Variants in DDX41 observed in about 807,000 individuals in gnomAD.
The protein encoded by DDX41 is DEAD-box helicase 41.
Under a neutral mutation model 78.8 loss-of-function variants are expected in DDX41, and 50 were observed. The ratio of observed to expected loss-of-function variants is 0.63; its 90% CI spans 0.51 to 0.80. The LOEUF (loss-of-function observed/expected upper bound fraction) is 0.80. DDX41 is among the 30% of genes least tolerant of loss of function. The pLI, the probability that DDX41 is intolerant of heterozygous loss-of-function variation, is 0.00. For synonymous variants in DDX41, 381 were observed against 321.5 expected (o/e 1.19, Z -1.98); for missense variants, 633 against 849.2 (o/e 0.75, Z 3.16).
At position 177,512,397 on chromosome 5, in the gene DDX41, C is replaced by G; in HGVS notation, c.1550-4G>C. Reference sequence around the variant, plus strand: ...CCGGTGCGGCCAATCCGGTGTACTGCAGAGAGAAGGACAGAGTCTCTGGCC... The same window carrying G: ...CCGGTGCGGCCAATCCGGTGTACTGGAGAGAGAAGGACAGAGTCTCTGGCC... On this transcript the variant is annotated splice_polypyrimidine_tract_variant and splice_region_variant and intron_variant, in intron 14 of 16. Coordinates refer to ENST00000330503, the MANE Select transcript of DDX41 (RefSeq NM_016222.4). The G allele has an allele frequency of 1.2e-6, 2 of 1,614,072 alleles. No homozygotes were observed. The highest frequency in any genetic ancestry group is 1.1e-5 in the South Asian group (1 of 91,084).
At chr5:177,516,068 T>C in intron 4 of DDX41, 51 bp downstream of exon 4, 1 of 1,613,964 alleles carries the variant, frequency 6.2e-7, no homozygotes, top group Non-Finnish European at 8.5e-7. Context: ...TGCCTGGGGC[T>C]GGGAGGAGAA....
chr5:177,516,755 A>G lies in DDX41; in HGVS notation c.108T>C (p.Tyr36=). The change falls in exon 2 of 17, where the codon TAT becomes TAC. Residue 36 remains tyrosine (Y), a synonymous_variant. Transcript: ENST00000330503. The stretch of plus-strand genomic sequence containing the variant: ...GCTGCCGGCGCTGCCGTAACGGCAC[A>G]TAGGGCACGTAGTCCTCGTCGTCCT... ...EDEDDEDYVP[Y]VPLRQRRQLL... is the part of the protein sequence containing the mutation. The G allele has an allele frequency of 6.2e-7, 1 of 1,610,936 alleles. No homozygotes were observed. The highest frequency in any genetic ancestry group is 8.5e-7 in the Non-Finnish European group (1 of 1,179,074).
intron 4 of DDX41, 55 bp downstream of exon 4, chr5:177,516,064 G>A: frequency 1.2e-6 from 2 of 1,613,948 alleles, no homozygotes; most frequent in South Asian, 1.1e-5. Flanking sequence ...AACATGCCTG[G>A]GGCTGGGAGG....
chr5:177,511,824 C>T lies in DDX41; in HGVS notation c.1836G>A (p.Lys612=). ...CCATGGAGCTGTGGGCCAGGTAGTCCTTGCGACCGATGTTGCTGACCTGCT... is the reference window on the plus strand; with the variant it reads ...CCATGGAGCTGTGGGCCAGGTAGTCTTTGCGACCGATGTTGCTGACCTGCT... ...QTKQVSNIGR[K]DYLAHSSMDF Residue 612 remains lysine, a synonymous_variant, in exon 17 of 17, where the codon AAG becomes AAA. Coordinates refer to ENST00000330503, the MANE Select transcript of DDX41 (RefSeq NM_016222.4). 1.9e-6 allele frequency: 3 copies of T among 1,614,138 alleles called. No homozygotes were observed. The highest frequency in any genetic ancestry group is 2.5e-6 in the Non-Finnish European group (3 of 1,180,024).
Position 177,514,520 on chromosome 5 carries a change from C to T in DDX41, c.935+181G>A, listed in dbSNP as rs73804365. On this transcript the variant is annotated intron_variant, in intron 9 of 16. Transcript: ENST00000330503. The surrounding 1 kb of genome is among the most constrained non-coding windows in gnomAD (Gnocchi z 4.2). ...TTCCATCTGCCGTGCTCCCACAGTA[C>T]CTGGCCACATCCCTCTGTCCTCCCC... is the stretch of plus-strand genomic sequence containing the variant. 8.2e-3 allele frequency among the ~76,000 whole-genome samples: 1,249 copies of T among 152,350 alleles called. 23 individuals carry two copies. Among genetic ancestry groups the T allele is most frequent in the African/African-American group, 0.029 (1,193 of 41,574 alleles).
rs376128262 is a variant in DDX41 at position 177,515,718 on chromosome 5, T to C, written c.538A>G (p.Ile180Val). Residue 180 changes from isoleucine to valine, a missense_variant, in exon 6 of 17, where the codon ATC (isoleucine) becomes GTC (valine). Transcript: ENST00000330503. ...LVEGDGIPPP[I>V]KSFKEMKFPA... ...AACTTCATTTCCTTGAAGCTCTTGA[T>C]GGGTGGTGGGATACCGTCTCCCTCC... 64 of 1,614,028 alleles carry C rather than the reference T, an allele frequency of 4.0e-5. No individual in the cohort carries two copies. The highest frequency in any genetic ancestry group is 3.3e-4 in the Middle Eastern group (2 of 6,084).
Position 177,516,930 on chromosome 5 carries a change from G to C in DDX41, c.16C>G (p.Pro6Ala). ...CGCCTCTCTCCTACCTTCCGTTCGGGTTCCGACTCCTCCATTCTTTGCTGC... is the reference window on the plus strand; with the variant it reads ...CGCCTCTCTCCTACCTTCCGTTCGGCTTCCGACTCCTCCATTCTTTGCTGC... The part of the protein sequence containing the change: MEESE[P>A]ERKRARTDEV... The change falls in exon 1 of 17, where the codon CCC (proline) becomes GCC (alanine). Residue 6 changes from proline (P) to alanine (A), a missense_variant. Physicochemically the swap from Pro to Ala is conservative, Grantham distance 27 (BLOSUM62 -1). Around this residue, in one of 6 missense-constraint regions of DDX41, gnomAD observed 140 missense variants for 115.2 expected, o/e 1.22. Coordinates refer to ENST00000330503, the MANE Select transcript of DDX41 (RefSeq NM_016222.4). 1 of 1,613,126 alleles carries C rather than the reference G, an allele frequency of 6.2e-7. No individual in the cohort carries two copies. Among genetic ancestry groups the C allele is most frequent in the South Asian group, 1.1e-5 (1 of 91,066 alleles).
rs1235623906 is a variant in DDX41, at chr5:177,516,685, C to A, written c.138+40G>T. 5 of 1,547,582 alleles carry A rather than the reference C, an allele frequency of 3.2e-6. 1 individual carries two copies. In the Admixed American group the frequency reaches 9.6e-5, roughly 30 times the overall value. ...GCCACGCCCGCCCCCTGCGACCCCG[C>A]GGTCACGGCCCCATCCCTCCCCGGA... On this transcript the variant is annotated intron_variant, in intron 2 of 16. Transcript: ENST00000330503.
rs755920162 is a variant in DDX41, at chr5:177,515,231, C to T, written c.599G>A (p.Gly200Asp). 5 of 1,614,004 alleles carry T rather than the reference C, an allele frequency of 3.1e-6. No homozygotes were observed. Among genetic ancestry groups the T allele is most frequent in the Admixed American group, 1.7e-5 (1 of 60,024 alleles). Residue 200 changes from glycine to aspartate, a missense_variant, in exon 7 of 17, where the codon GGC becomes GAC. Coordinates refer to ENST00000330503, the MANE Select transcript of DDX41 (RefSeq NM_016222.4). ...CTGAATGGGTGTTGGGTGGTGAATG[C>T]CTTTCTTCTTCAGGCCTCTCAGGAT... ...AAILRGLKKKGIHHPTPIQIQ... is the reference protein window; with the variant it reads ...AAILRGLKKKDIHHPTPIQIQ...
Position 177,513,075 on chromosome 5 carries a change from T to C in DDX41, c.1238A>G (p.Glu413Gly), listed in dbSNP as rs772162239. ...CATCTTGGCCTCCTCCTTCACATAT[T>C]CTACCTCCTGCCACCACAAAGATCA... ...AASLDVIQEV[E>G]YVKEEAKMVY... Residue 413 changes from glutamate to glycine, a missense_variant, in exon 12 of 17, where the codon GAA (glutamate) becomes GGA (glycine). Glu to Gly is a moderately conservative substitution (Grantham distance 98). Around this residue, in one of 6 missense-constraint regions of DDX41, gnomAD observed 185 missense variants for 367.4 expected, o/e 0.50. Transcript: ENST00000330503. The surrounding 1 kb of genome is among the most constrained non-coding windows in gnomAD (Gnocchi z 4.6). 1.1e-5 allele frequency: 18 copies of C among 1,613,614 alleles called. No individual in the cohort carries two copies. The highest frequency in any genetic ancestry group is 1.5e-5 in the Non-Finnish European group (18 of 1,179,830).
At chr5:177,512,696 G>C in intron 13 of DDX41, 51 bp from the exon 14 acceptor site, 1 of 1,613,236 alleles carries the variant, frequency 6.2e-7, no homozygotes, top group Non-Finnish European at 8.5e-7. Context: ...ACAGGGGAGT[G>C]GCAGGCCAAC....
Position 177,514,280 on chromosome 5 carries a change from T to C in DDX41, c.935+421A>G. The C allele has an allele frequency of 2.0e-6, 1 of 488,214 alleles. No individual in the cohort carries two copies. The highest frequency in any genetic ancestry group is 4.0e-6 in the Non-Finnish European group (1 of 249,498). The allele number at this position is 488,214 out of a possible 1,614,324, so 30.2% of individuals were successfully genotyped here. ...GGGCCTCTGGTGGTCTGCAGAGGAC[T>C]GCACAGCACTGAAAGGACACAGGTG... On this transcript the variant is annotated intron_variant, in intron 9 of 16. Coordinates refer to ENST00000330503, the MANE Select transcript of DDX41 (RefSeq NM_016222.4). This position sits in a 1 kb window ranked among gnomAD's most constrained non-coding sequence, Gnocchi z 4.2.
rs759093303 is a variant in DDX41, at chr5:177,516,334, G to A, written c.252C>T (p.Asn84=). 6.2e-7 allele frequency: 1 copy of A among 1,614,060 alleles called. No individual in the cohort carries two copies. The highest frequency in any genetic ancestry group is 1.3e-5 in the African/African-American group (1 of 74,950). ...EDDIPLGPQS[N]VSLLDQHQHL... ...GCTGGTGCTGATCCAGGAGGCTGAC[G>A]TTGGACTGAGGGCCTAGCGGGATGT... Residue 84 remains asparagine (N), a synonymous_variant, in exon 3 of 17, where the codon AAC becomes AAT. Transcript: ENST00000330503.
intron 2 of DDX41, 121 bp downstream of exon 2, chr5:177,516,604 G>T: frequency 7.3e-7 from 1 of 1,370,082 alleles, no homozygotes. Flanking sequence ...TGGGGGCCGC[G>T]CCCTGGTGTA....
chr5:177,514,037 C>T lies in DDX41; in HGVS notation c.936-190G>A. The T allele has an allele frequency of 1.4e-6, 1 of 710,518 alleles. No homozygotes were observed. The highest frequency in any genetic ancestry group is 2.5e-6 in the Non-Finnish European group (1 of 401,474). The allele number at this position is 710,518 out of a possible 1,614,324, so 44.0% of individuals were successfully genotyped here. On this transcript the variant is annotated intron_variant, in intron 9 of 16. Coordinates refer to ENST00000330503, the MANE Select transcript of DDX41 (RefSeq NM_016222.4). The surrounding 1 kb of genome is among the most constrained non-coding windows in gnomAD (Gnocchi z 4.2). ...TTTCCCAAGGCACTGCAGCCATCTT[C>T]ACCACCGCTCGGCCTGGCGCGCCTT...
At chr5:177,516,674 C>G in intron 2 of DDX41, 51 bp downstream of exon 2, 1 of 1,538,836 alleles carries the variant, frequency 6.5e-7, no homozygotes, top group South Asian at 1.2e-5. Context: ...CGCCCGCCCC[C>G]TGCGACCCCG....
intron 6 of DDX41, 80 bp from the exon 7 acceptor site, chr5:177,515,338 C>T: frequency 2.9e-6 from 4 of 1,366,456 alleles, no homozygotes; most frequent in Non-Finnish European, 4.2e-6. Flanking sequence ...CTGGCACTAC[C>T]CCTACAAGTT....
In DDX41 at chr5:177,512,763, G is replaced by A. The variant is rs1468654127; in HGVS notation, c.1399+17C>T. 3.1e-6 allele frequency: 5 copies of A among 1,613,870 alleles called. No homozygotes were observed. The African/African-American group carries it at 5.3e-5, about 17-fold the overall frequency. The stretch of plus-strand genomic sequence containing the variant: ...CTACTGCAGCAGGGTCCAAGCCAGT[G>A]CTTGCACCACCCTGACCTTTGCCCC... On this transcript the variant is annotated intron_variant, in intron 13 of 16. Coordinates refer to ENST00000330503, the MANE Select transcript of DDX41 (RefSeq NM_016222.4).
Position 177,513,823 on chromosome 5 carries a change from G to A in DDX41, c.960C>T (p.Thr320=). Residue 320 remains threonine (T), a synonymous_variant, in exon 10 of 17, where the codon ACC becomes ACT. Transcript: ENST00000330503. The surrounding 1 kb of genome is among the most constrained non-coding windows in gnomAD (Gnocchi z 4.6). ...GCAGCAAATCCATGAGGCGCCCCGG[G>A]GTGGCCACCATCATGTGTACACCGC... The part of the protein sequence containing the change: ...IRHGVHMMVA[T]PGRLMDLLQK... 1 of 1,613,622 alleles carries A rather than the reference G, an allele frequency of 6.2e-7. No individual in the cohort carries two copies. Among genetic ancestry groups the A allele is most frequent in the South Asian group, 1.1e-5 (1 of 91,080 alleles).
Sources: allele counts gnomAD v4.1 joint callset (sites outside exome capture counted in the v4.1 genomes callset), GRCh38; gene constraint gnomAD v4.1.1; regional missense constraint gnomAD v4.1.1; non-coding constraint Gnocchi (gnomAD v3.1); transcripts MANE v1.5; gene names NCBI Gene and HGNC (gene_info 2026-07-23, HGNC 2026-07-21).